Variants in PRRX1 observed in about 807,000 individuals in gnomAD.
PRRX1 encodes the protein paired related homeobox 1, also known as paired mesoderm homeobox protein 1.
PRRX1 carries 8 observed loss-of-function variants against 24.0 expected under a neutral mutation model. The ratio of observed to expected loss-of-function variants is 0.33; its 90% CI spans 0.20 to 0.60. The LOEUF (loss-of-function observed/expected upper bound fraction) is 0.60, where lower values mean the gene tolerates loss of function less well. Ranked by LOEUF, PRRX1 falls within the 20% of genes least tolerant of loss-of-function variation. PRRX1 has a pLI of 0.82. For missense variants in PRRX1, 281 were observed against 322.4 expected (o/e 0.87, Z 0.98); for synonymous variants, 160 against 131.7 (o/e 1.22, Z -1.47).
intron 1 of PRRX1, among the ~76,000 whole-genome samples, chr1:170,685,363 T>C (rs1653697172): frequency 6.6e-6 from 1 of 152,074 alleles, no homozygotes; most frequent in African/African-American, 2.4e-5. Flanking sequence ...GATTCAAGTG[T>C]GGGCTAGCAG....
At chr1:170,696,592 C>T (rs1654178667) in intron 1 of PRRX1, among the ~76,000 whole-genome samples, 1 of 152,000 alleles carries the variant, frequency 6.6e-6, no homozygotes, top group South Asian at 2.1e-4. Flanking sequence ...GATTAATATC[C>T]CTTTATTTAC....
chr1:170,664,456 G>C lies in PRRX1; in HGVS notation c.238G>C (p.Asp80His). 3 of 1,599,706 alleles carry C rather than the reference G, an allele frequency of 1.9e-6. No homozygotes were observed. The highest frequency in any genetic ancestry group is 1.7e-6 in the Non-Finnish European group (2 of 1,173,828). Residue 80 changes from aspartate to histidine, a missense_variant, in exon 1 of 4, where the codon GAC (aspartate) becomes CAC (histidine). Physicochemically the swap from Asp to His is moderately conservative, Grantham distance 81. Transcript: ENST00000239461. ...LTSGSDTPQQDNDQLNSEEKK... is the reference protein window; with the variant it reads ...LTSGSDTPQQHNDQLNSEEKK... ...CAGCGGCAGCGACACCCCGCAGCAG[G>C]ACAGTGAGTGAGGGGCGCATGCCCA...
chr1:170,723,077 C>G (rs1025284115), intron 2 of PRRX1, among the ~76,000 whole-genome samples: 1 of 152,064 alleles, frequency 6.6e-6, no homozygotes, highest in Non-Finnish European at 1.5e-5. Flanking sequence ...CTGTGAGTAA[C>G]GGGGAGCCAG....
chr1:170,698,409 G>T (rs146045506), intron 1 of PRRX1, among the ~76,000 whole-genome samples: 4 of 151,882 alleles, frequency 2.6e-5, no homozygotes, highest in African/African-American at 4.8e-5. Flanking sequence ...TTTATTTTTC[G>T]GATCCTAAAG....
chr1:170,703,871 T>C (rs985621125), intron 1 of PRRX1, among the ~76,000 whole-genome samples: 12 of 152,108 alleles, frequency 7.9e-5, no homozygotes, highest in Non-Finnish European at 1.5e-4. Flanking sequence ...CCAAAATACA[T>C]AGAAAACAAA....
In PRRX1 at chr1:170,689,839, C is replaced by CCTCTCTCTCTCTCTCTCTCT. The variant is rs71559512; in HGVS notation, c.241+25397_241+25416dup. ...GTCTCTCTCTCTCTCTCTCTCTCTC[C>CCTCTCTCTCTCTCTCTCTCT]CTCTCTCTCTCTCTCTCTCTCTCTC... is the stretch of plus-strand genomic sequence containing the variant. On this transcript the variant is annotated intron_variant, in intron 1 of 3. Transcript: ENST00000239461. 7.4e-4 allele frequency among the ~76,000 whole-genome samples: 68 copies of CCTCTCTCTCTCTCTCTCTCT among 91,632 alleles called. 1 individual carries two copies. Among genetic ancestry groups the CCTCTCTCTCTCTCTCTCTCT allele is most frequent in the South Asian group, 2.0e-3 (6 of 3,030 alleles). 60.1% of individuals were successfully genotyped at this position (91,632 alleles called of 152,430 possible).
At chr1:170,677,760 C>A (rs557206037) in intron 1 of PRRX1, among the ~76,000 whole-genome samples, 3 of 152,156 alleles carry the variant, frequency 2.0e-5, no homozygotes, top group Non-Finnish European at 4.4e-5. Flanking sequence ...CTTTAGGTCA[C>A]CCTTCCTCTC....
intron 1 of PRRX1, among the ~76,000 whole-genome samples, chr1:170,698,217 C>T (rs1654237326): frequency 6.6e-6 from 1 of 152,118 alleles, no homozygotes; most frequent in Admixed American, 6.6e-5. Flanking sequence ...CCATTTCAAA[C>T]CAACTTAACT....
chr1:170,718,835 G>T (rs2101916813), intron 1 of PRRX1, among the ~76,000 whole-genome samples: 1 of 152,266 alleles, frequency 6.6e-6, no homozygotes, highest in East Asian at 1.9e-4. Context: ...CAGGAGAGGA[G>T]CATACTACAC....
chr1:170,722,830 G>A (rs911090666), intron 2 of PRRX1, among the ~76,000 whole-genome samples: 4 of 152,160 alleles, frequency 2.6e-5, no homozygotes, highest in Non-Finnish European at 5.9e-5. Flanking sequence ...TTTGATACCC[G>A]GACAAAGCGG....
chr1:170,664,259 C>T lies in PRRX1; in HGVS notation c.41C>T (p.Ala14Val), dbSNP rs1464363985. ...GGGCACGTTCTGGAGCGGCAACCGG[C>T]GCTGGGCGGCCGCTTGGACAGCCCG... ...SYGHVLERQP[A>V]LGGRLDSPGN... The change falls in exon 1 of 4, where the codon GCG becomes GTG. Residue 14 changes from alanine to valine, a missense_variant. Coordinates refer to ENST00000239461, the MANE Select transcript of PRRX1 (RefSeq NM_022716.4). 1 of 1,612,582 alleles carries T rather than the reference C, an allele frequency of 6.2e-7. No homozygotes were observed. Among genetic ancestry groups the T allele is most frequent in the Non-Finnish European group, 8.5e-7 (1 of 1,179,552 alleles).
rs74892816 is a variant in PRRX1 at position 170,680,862 on chromosome 1, A to T, written c.241+16403A>T. On this transcript the variant is annotated intron_variant, in intron 1 of 3. Coordinates refer to ENST00000239461, the MANE Select transcript of PRRX1 (RefSeq NM_022716.4). ...AGCATATTGCTTCCATAGAAAGACA[A>T]CTCCAGAACCATGTAGGAGTGACTT... Among the ~76,000 whole-genome samples, 1,174 of 152,294 alleles carry T rather than the reference A, an allele frequency of 7.7e-3. 17 individuals carry two copies. Among genetic ancestry groups the T allele is most frequent in the African/African-American group, 0.027 (1,113 of 41,550 alleles).
intron 1 of PRRX1, among the ~76,000 whole-genome samples, chr1:170,703,366 C>T (rs114527217): frequency 1.3e-5 from 2 of 151,972 alleles, no homozygotes; most frequent in African/African-American, 2.4e-5. Context: ...TCTGCAAGAC[C>T]TCCTAGTGTA....
chr1:170,686,232 T>C (rs1358571302), intron 1 of PRRX1, among the ~76,000 whole-genome samples: 1 of 142,830 alleles, frequency 7.0e-6, no homozygotes, highest in Non-Finnish European at 1.5e-5. Flanking sequence ...TTTTTAAAAA[T>C]ACTGTCTGGT....
intron 1 of PRRX1, among the ~76,000 whole-genome samples, chr1:170,716,093 G>C (rs573950429): frequency 1.3e-5 from 2 of 152,206 alleles, no homozygotes; most frequent in Admixed American, 1.3e-4. Context: ...GGTTGAATTC[G>C]ACAATTTCAT....
chr1:170,710,796 G>C (rs1654721539), intron 1 of PRRX1, among the ~76,000 whole-genome samples: 1 of 152,182 alleles, frequency 6.6e-6, no homozygotes, highest in South Asian at 2.1e-4. Context: ...ATAGTAAGAA[G>C]GCAGTTGTTT....
chr1:170,689,682 T>A (rs1653861398), intron 1 of PRRX1, among the ~76,000 whole-genome samples: 1 of 152,140 alleles, frequency 6.6e-6, no homozygotes. Context: ...GTTTTCATTT[T>A]TTAGGTAGTT....
chr1:170,671,919 T>A (rs923696580), intron 1 of PRRX1, among the ~76,000 whole-genome samples: 3 of 152,082 alleles, frequency 2.0e-5, no homozygotes, highest in African/African-American at 7.2e-5. Context: ...GAAGGGCAGA[T>A]CTGAGAAATG....
At chr1:170,671,592 G>T (rs1411730754) in intron 1 of PRRX1, among the ~76,000 whole-genome samples, 1 of 152,256 alleles carries the variant, frequency 6.6e-6, no homozygotes, top group Non-Finnish European at 1.5e-5. Flanking sequence ...CTGGGTTCCT[G>T]CAGGACAGAC....
Sources: allele counts gnomAD v4.1 joint callset (sites outside exome capture counted in the v4.1 genomes callset), GRCh38; gene constraint gnomAD v4.1.1; transcripts MANE v1.5; gene names NCBI Gene and HGNC (gene_info 2026-07-23, HGNC 2026-07-21).